The following ATP9A variants were observed in gnomAD, a reference collection of about 807,000 sequenced individuals.
The protein encoded by ATP9A is ATPase phospholipid transporting 9A, also known as probable phospholipid-transporting ATPase IIA.
In ATP9A, 52 loss-of-function variants were observed where a neutral mutation model predicts 144.1. That is an observed-to-expected ratio of 0.36 (90% CI 0.29 to 0.45). The LOEUF (loss-of-function observed/expected upper bound fraction) is 0.45, where lower values mean the gene tolerates loss of function less well. Among genes scored for constraint, ATP9A ranks in the 20% least tolerant of loss-of-function variants. ATP9A has a pLI of 1.00. For synonymous variants in ATP9A, 582 were observed against 557.4 expected, an observed-to-expected ratio of 1.04 and a Z score of -0.62; for missense variants, 947 against 1,392.7, an observed-to-expected ratio of 0.68 and a Z score of 5.09.
chr20:51,689,522 T>C (rs925447956), intron 8 of ATP9A, among the ~76,000 whole-genome samples: 3 of 150,834 alleles, frequency 2.0e-5, no homozygotes, highest in Admixed American at 6.7e-5. Flanking sequence ...AGAAACCTGT[T>C]GACCCATATT....
At chr20:51,664,170 A>G (rs2077423293) in intron 13 of ATP9A, among the ~76,000 whole-genome samples, 1 of 152,008 alleles carries the variant, frequency 6.6e-6, no homozygotes, top group African/African-American at 2.4e-5. Flanking sequence ...ATGAGCTACC[A>G]CGCCCAGCAG....
chr20:51,712,921 C>T (rs1235997852), intron 4 of ATP9A, 45 bp downstream of exon 4: 3 of 1,521,130 alleles, frequency 2.0e-6, no homozygotes, highest in East Asian at 2.4e-5. Flanking sequence ...GTCAGCGGCC[C>T]GTGATTGAGC....
At chr20:51,723,843 C>T (rs2077700603) in intron 3 of ATP9A, among the ~76,000 whole-genome samples, 1 of 152,082 alleles carries the variant, frequency 6.6e-6, no homozygotes, top group African/African-American at 2.4e-5. Context: ...GTGTGAGCCA[C>T]CGTGCCCGGC....
intron 15 of ATP9A, among the ~76,000 whole-genome samples, chr20:51,638,618 T>G (rs1336205331): frequency 6.6e-6 from 1 of 151,972 alleles, no homozygotes; most frequent in Non-Finnish European, 1.5e-5. Flanking sequence ...ATTCCAGCAC[T>G]TTGGGAGTCC....
At chr20:51,677,434 A>AC (rs933147173) in intron 9 of ATP9A, among the ~76,000 whole-genome samples, 2 of 152,276 alleles carry the variant, frequency 1.3e-5, no homozygotes, top group East Asian at 3.9e-4. Flanking sequence ...AACAGAGAAG[A>AC]CCCAGAGCCT....
intron 1 of ATP9A, among the ~76,000 whole-genome samples, chr20:51,745,569 G>A (rs1601141938): frequency 6.6e-6 from 1 of 152,332 alleles, no homozygotes; most frequent in Non-Finnish European, 1.5e-5. Context: ...CTACAGGGAA[G>A]TAGGGCACTA....
intron 11 of ATP9A, among the ~76,000 whole-genome samples, chr20:51,672,284 C>T (rs913260770): frequency 6.6e-6 from 1 of 152,108 alleles, no homozygotes; most frequent in Non-Finnish European, 1.5e-5. Context: ...ATGTATTATA[C>T]TCATTTTGAA....
At chr20:51,654,146 G>A (rs1336885875) in intron 14 of ATP9A, among the ~76,000 whole-genome samples, 1 of 152,054 alleles carries the variant, frequency 6.6e-6, no homozygotes, top group African/African-American at 2.4e-5. Flanking sequence ...GTAGCCAGGG[G>A]TGTACAACAT....
At chr20:51,720,985 T>C (rs1473598792) in intron 3 of ATP9A, among the ~76,000 whole-genome samples, 1 of 152,222 alleles carries the variant, frequency 6.6e-6, no homozygotes, top group Non-Finnish European at 1.5e-5. Flanking sequence ...AAAGGGCCTC[T>C]CTAGCTCTCA....
intron 7 of ATP9A, among the ~76,000 whole-genome samples, chr20:51,691,948 C>T (rs143968682): frequency 1.7e-4 from 26 of 152,294 alleles, no homozygotes; most frequent in African/African-American, 6.0e-4. Flanking sequence ...GGCTACAATA[C>T]GGATGAACCT....
chr20:51,703,983 T>G (rs1410556515), intron 4 of ATP9A, among the ~76,000 whole-genome samples: 1 of 152,144 alleles, frequency 6.6e-6, no homozygotes, highest in Non-Finnish European at 1.5e-5. Context: ...GTACATTTCC[T>G]GAGGTTGACA....
chr20:51,761,506 A>T (rs2122921128), intron 1 of ATP9A, among the ~76,000 whole-genome samples: 1 of 152,284 alleles, frequency 6.6e-6, no homozygotes, highest in South Asian at 2.1e-4. Context: ...TCACGGCTGT[A>T]ATCCCAGCAC....
At position 51,625,353 on chromosome 20, in the gene ATP9A, C is replaced by T. The variant is rs539683479; in HGVS notation, c.1855G>A (p.Val619Ile). The T allele has an allele frequency of 6.8e-6, 11 of 1,613,594 alleles. No individual in the cohort carries two copies. In the Admixed American group the frequency reaches 8.3e-5, roughly 12 times the overall value. Residue 619 changes from valine (V) to isoleucine (I), a missense_variant, in exon 18 of 28, where the codon GTC becomes ATC. Val to Ile is a conservative substitution (Grantham distance 29). Transcript: ENST00000338821. The part of the protein sequence containing the change: ...EQYQDFEARY[V>I]QAKLSVHDRS... ...TCGTGCACACTCAGCTTGGCCTGGA[C>T]GTAGCGGGCCTGGGACACACCAGCA... is the stretch of plus-strand genomic sequence containing the variant.
chr20:51,740,357 C>A (rs2077779569), intron 1 of ATP9A, among the ~76,000 whole-genome samples: 1 of 150,644 alleles, frequency 6.6e-6, no homozygotes, highest in South Asian at 2.1e-4. Flanking sequence ...CACGCCCCAG[C>A]CAACACAAAC....
chr20:51,607,376 A>G (rs1244628812), intron 26 of ATP9A, 151 bp downstream of exon 26: 11 of 653,076 alleles, frequency 1.7e-5, no homozygotes, highest in East Asian at 2.7e-5. Context: ...GTCCTTATAC[A>G]GGGTGAGCAG....
chr20:51,757,104 C>T (rs1256839714), intron 1 of ATP9A, among the ~76,000 whole-genome samples: 1 of 152,054 alleles, frequency 6.6e-6, no homozygotes, highest in East Asian at 1.9e-4. Context: ...GGGCAGAGGC[C>T]AGGGATGTTG....
At chr20:51,621,400 C>T (rs1183951739) in intron 19 of ATP9A, among the ~76,000 whole-genome samples, 1 of 152,192 alleles carries the variant, frequency 6.6e-6, no homozygotes, top group East Asian at 1.9e-4. Context: ...ATCTAGAGAC[C>T]CTCCAGTGGT....
intron 19 of ATP9A, among the ~76,000 whole-genome samples, chr20:51,619,597 G>A (rs1162971537): frequency 6.1e-5 from 9 of 146,718 alleles, no homozygotes; most frequent in Non-Finnish European, 9.0e-5. Flanking sequence ...GGCCAGGTAC[G>A]GTGGCTCACA....
intron 15 of ATP9A, among the ~76,000 whole-genome samples, chr20:51,637,868 C>T (rs974367725): frequency 1.3e-5 from 2 of 150,856 alleles, no homozygotes; most frequent in Admixed American, 6.6e-5. Context: ...ACCCTTTCAG[C>T]CCCCTGACTC....
Sources: gnomAD v4.1 joint callset for allele counts (sites outside exome capture counted in the v4.1 genomes callset) on GRCh38, gnomAD v4.1.1 for gene constraint, MANE v1.5 for transcripts, NCBI Gene and HGNC (gene_info 2026-07-23, HGNC 2026-07-21) for gene names.